FAM135B: variants seen among roughly 807,000 people sequenced by gnomAD.
The protein encoded by FAM135B is family with sequence similarity 135 member B, also known as protein FAM135B.
Under a neutral mutation model 127.7 loss-of-function variants are expected in FAM135B, and 43 were observed. That is an observed-to-expected ratio of 0.34 (90% CI 0.26 to 0.43). The LOEUF is 0.43. FAM135B is among the 20% of genes least tolerant of loss of function. The pLI is 1.00. For missense variants in FAM135B, 1,558 were observed against 1,725.6 expected, an observed-to-expected ratio of 0.90 and a Z score of 1.72; for synonymous variants, 670 against 665.1, an observed-to-expected ratio of 1.01 and a Z score of -0.11.
chr8:138,371,389 A>AAC (rs1009901431), intron 1 of FAM135B, among the ~76,000 whole-genome samples: 2 of 152,114 alleles, frequency 1.3e-5, no homozygotes, highest in African/African-American at 2.4e-5. Flanking sequence ...GCATTGATAA[A>AAC]ACACACACAC....
chr8:138,142,179 C>A (rs182876599), intron 16 of FAM135B, among the ~76,000 whole-genome samples: 207 of 151,504 alleles, frequency 1.4e-3, no homozygotes, highest in Middle Eastern at 6.8e-3. Flanking sequence ...ATGAAAAATG[C>A]AAGCTGCTTA....
chr8:138,455,544 C>T (rs1836728647), intron 1 of FAM135B, among the ~76,000 whole-genome samples: 4 of 152,140 alleles, frequency 2.6e-5, no homozygotes, highest in Admixed American at 2.6e-4. Flanking sequence ...TTACAACAAA[C>T]CTAAATGTAG....
chr8:138,176,884 AT>A (rs1280068459), intron 11 of FAM135B, among the ~76,000 whole-genome samples: 3 of 152,008 alleles, frequency 2.0e-5, no homozygotes, highest in Non-Finnish European at 4.4e-5. Context: ...GTACCTTTCA[AT>A]TTTTTTTCTG....
chr8:138,310,244 A>C (rs1826576801), intron 3 of FAM135B, among the ~76,000 whole-genome samples: 1 of 152,016 alleles, frequency 6.6e-6, no homozygotes, highest in African/African-American at 2.4e-5. Flanking sequence ...TAATAGCTCT[A>C]CTAGTTAATA....
intron 1 of FAM135B, among the ~76,000 whole-genome samples, chr8:138,432,255 G>A (rs370051490): frequency 1.3e-5 from 2 of 152,268 alleles, no homozygotes; most frequent in African/African-American, 4.8e-5. Flanking sequence ...GAATCTCACA[G>A]GATATGATGC....
intron 2 of FAM135B, among the ~76,000 whole-genome samples, chr8:138,339,604 C>T (rs1342516469): frequency 6.6e-6 from 1 of 152,104 alleles, no homozygotes; most frequent in East Asian, 1.9e-4. Context: ...TTTGACAAAA[C>T]TGGGACACAG....
chr8:138,454,009 G>T (rs1836638463), intron 1 of FAM135B, among the ~76,000 whole-genome samples: 1 of 152,030 alleles, frequency 6.6e-6, no homozygotes. Flanking sequence ...AATATAGATG[G>T]TCGAGCTATG....
intron 2 of FAM135B, among the ~76,000 whole-genome samples, chr8:138,333,919 TTTTA>T (rs1828363109): frequency 6.6e-6 from 1 of 152,086 alleles, no homozygotes; most frequent in African/African-American, 2.4e-5. Flanking sequence ...TCCATGTCTC[TTTTA>T]TTTGAGGGGA....
intron 2 of FAM135B, among the ~76,000 whole-genome samples, chr8:138,314,113 T>G (rs1422473828): frequency 6.6e-6 from 1 of 152,140 alleles, no homozygotes; most frequent in African/African-American, 2.4e-5. Flanking sequence ...AAAGGATGTG[T>G]GTTAGATGAG....
chr8:138,181,588 C>G (rs1233651110), intron 9 of FAM135B, among the ~76,000 whole-genome samples: 2 of 152,188 alleles, frequency 1.3e-5, no homozygotes, highest in African/African-American at 4.8e-5. Flanking sequence ...CCCTGCGCAC[C>G]TTCCCCCGTC....
intron 7 of FAM135B, among the ~76,000 whole-genome samples, chr8:138,231,201 A>C (rs1037301749): frequency 1.3e-5 from 2 of 151,960 alleles, no homozygotes; most frequent in African/African-American, 4.8e-5. Context: ...TAATATTTTT[A>C]GTAGATACAG....
intron 2 of FAM135B, among the ~76,000 whole-genome samples, chr8:138,321,780 T>A (rs995260999): frequency 6.6e-6 from 1 of 152,350 alleles, no homozygotes; most frequent in Admixed American, 6.5e-5. Flanking sequence ...TGAAGATGGC[T>A]TTATGAAGGC....
rs531906193 is a variant in FAM135B, at chr8:138,341,195, G to A, written c.77+26712C>T. ...ATCACCAGATGACTGGATAATGTGCGGCATGCCCATACAATGGAACAGTAT... is the reference window on the plus strand; with the variant it reads ...ATCACCAGATGACTGGATAATGTGCAGCATGCCCATACAATGGAACAGTAT... On this transcript the variant is annotated intron_variant, in intron 2 of 19. Coordinates refer to ENST00000395297, the MANE Select transcript of FAM135B (RefSeq NM_015912.4). Among the ~76,000 whole-genome samples, 7 of 152,288 alleles carry A rather than the reference G, an allele frequency of 4.6e-5. No individual in the cohort carries two copies. In the South Asian group the frequency reaches 1.0e-3, roughly 23 times the overall value.
intron 3 of FAM135B, among the ~76,000 whole-genome samples, chr8:138,307,126 ATGT>A (rs1826321698): frequency 6.6e-6 from 1 of 152,086 alleles, no homozygotes; most frequent in Non-Finnish European, 1.5e-5. Context: ...GAATTCCCAC[ATGT>A]TGTGGGAGGG....
rs79507130 is a variant in FAM135B at position 138,141,401 on chromosome 8, C to A, written c.3639-52G>T. 1 of 1,587,682 alleles carries A rather than the reference C, an allele frequency of 6.3e-7. No individual in the cohort carries two copies. The highest frequency in any genetic ancestry group is 8.6e-7 in the Non-Finnish European group (1 of 1,158,150). ...TGAGTGTGACGGTGAATGCTGCTGCCCAAGAGTGCAGTGCTGGAAGCATCA... is the reference window on the plus strand; with the variant it reads ...TGAGTGTGACGGTGAATGCTGCTGCACAAGAGTGCAGTGCTGGAAGCATCA... On this transcript the variant is annotated intron_variant, in intron 16 of 19. Transcript: ENST00000395297. The surrounding 1 kb of genome is among the most constrained non-coding windows in gnomAD (Gnocchi z 4.7).
At position 138,386,086 on chromosome 8, in the gene FAM135B, C is replaced by T. The variant is rs1409067379; in HGVS notation, c.-19-18084G>A. The stretch of plus-strand genomic sequence containing the variant: ...AAAAAAGTAGCTGGGCGTGGTGGTG[C>T]GCACCTGTAATCTCAGCTACTCAGG... On this transcript the variant is annotated intron_variant, in intron 1 of 19. Transcript: ENST00000395297. Among the ~76,000 whole-genome samples the T allele has an allele frequency of 5.9e-5, 9 of 151,342 alleles. No individual in the cohort carries two copies. The South Asian group carries it at 6.3e-4, about 11-fold the overall frequency.
intron 2 of FAM135B, among the ~76,000 whole-genome samples, chr8:138,348,413 G>C (rs1829560828): frequency 6.6e-6 from 1 of 152,064 alleles, no homozygotes; most frequent in Non-Finnish European, 1.5e-5. Flanking sequence ...GAGATTACAG[G>C]CGTGAGCCAC....
chr8:138,165,952 A>G (rs1256022694), intron 12 of FAM135B, among the ~76,000 whole-genome samples: 1 of 152,200 alleles, frequency 6.6e-6, no homozygotes, highest in Non-Finnish European at 1.5e-5. Flanking sequence ...AAAATATCCT[A>G]CAAGTCTCAG....
At chr8:138,461,206 A>G (rs1269872293) in intron 1 of FAM135B, among the ~76,000 whole-genome samples, 3 of 152,150 alleles carry the variant, frequency 2.0e-5, no homozygotes, top group South Asian at 2.1e-4. Flanking sequence ...CCTGGCTCAC[A>G]CTGCAAGGCA....
Sources: allele counts gnomAD v4.1 joint callset (sites outside exome capture counted in the v4.1 genomes callset), GRCh38; gene constraint gnomAD v4.1.1; non-coding constraint Gnocchi (gnomAD v3.1); transcripts MANE v1.5; gene names NCBI Gene and HGNC (gene_info 2026-07-23, HGNC 2026-07-21).